NSG1: variants seen among roughly 807,000 people sequenced by gnomAD.
The protein encoded by NSG1 is neuronal vesicle trafficking associated 1, also known as neuronal vesicle trafficking-associated protein 1.
NSG1 carries 9 observed loss-of-function variants against 19.3 expected under a neutral mutation model. The ratio of observed to expected loss-of-function variants is 0.47; its 90% CI spans 0.28 to 0.81. The LOEUF is 0.81. Ranked by LOEUF, NSG1 falls within the 40% of genes least tolerant of loss-of-function variation. NSG1 has a pLI of 0.11. For missense variants in NSG1, 236 were observed against 242.4 expected (o/e 0.97, Z 0.18); for synonymous variants, 104 against 107.0 (o/e 0.97, Z 0.17).
chr4:4,389,086 G>A (rs752554949), intron 2 of NSG1, among the ~76,000 whole-genome samples: 2 of 152,242 alleles, frequency 1.3e-5, no homozygotes, highest in African/African-American at 2.4e-5. Flanking sequence ...CCAGCTGCTC[G>A]GCTGAGGAGC....
intron 3 of NSG1, among the ~76,000 whole-genome samples, chr4:4,405,410 G>C (rs1402594053): frequency 6.6e-6 from 1 of 152,072 alleles, no homozygotes; most frequent in Non-Finnish European, 1.5e-5. Flanking sequence ...TCTTTTTGAG[G>C]GGCCCAGCGT....
intron 3 of NSG1, among the ~76,000 whole-genome samples, chr4:4,396,891 C>A (rs927237329): frequency 1.3e-5 from 2 of 152,120 alleles, no homozygotes; most frequent in Non-Finnish European, 2.9e-5. Flanking sequence ...GTATTGGAGA[C>A]CCTGAAGGTG....
At chr4:4,406,092 A>C (rs1252394642) in intron 3 of NSG1, among the ~76,000 whole-genome samples, 2 of 152,088 alleles carry the variant, frequency 1.3e-5, no homozygotes, top group Non-Finnish European at 2.9e-5. Context: ...CAGTGGCGCG[A>C]TCTTGGCTCA....
chr4:4,391,328 G>T, intron 2 of NSG1, 147 bp from the exon 3 acceptor site: 1 of 626,384 alleles, frequency 1.6e-6, no homozygotes. Context: ...CCACAGAGGA[G>T]ATTTCCAAAA....
At chr4:4,400,490 C>T (rs1185197543) in intron 3 of NSG1, among the ~76,000 whole-genome samples, 1 of 152,144 alleles carries the variant, frequency 6.6e-6, no homozygotes, top group African/African-American at 2.4e-5. Flanking sequence ...AACAAAAAGA[C>T]CTTTGGGTTG....
chr4:4,413,623 G>T (rs993574062), intron 4 of NSG1, among the ~76,000 whole-genome samples: 2 of 151,558 alleles, frequency 1.3e-5, no homozygotes, highest in Non-Finnish European at 2.9e-5. Context: ...TGTGCTGGTG[G>T]GGGGCTAGCC....
At chr4:4,402,183 C>T (rs1723583434) in intron 3 of NSG1, among the ~76,000 whole-genome samples, 1 of 149,488 alleles carries the variant, frequency 6.7e-6, no homozygotes, top group Non-Finnish European at 1.5e-5. Flanking sequence ...CCACAGCACC[C>T]AGCCTGGTTT....
intron 4 of NSG1, chr4:4,415,952 G>C (rs763297381): frequency 1.4e-5 from 9 of 622,752 alleles, no homozygotes; most frequent in Non-Finnish European, 2.3e-5. Flanking sequence ...GTTCTGTAGC[G>C]TGTCAGGTGC....
intron 2 of NSG1, among the ~76,000 whole-genome samples, chr4:4,389,434 A>G (rs1423118490): frequency 6.6e-6 from 1 of 152,182 alleles, no homozygotes; most frequent in Non-Finnish European, 1.5e-5. Context: ...TACAAGGGTT[A>G]TGGCTCTTGG....
At chr4:4,411,675 C>T (rs1268668127) in intron 4 of NSG1, among the ~76,000 whole-genome samples, 7 of 152,074 alleles carry the variant, frequency 4.6e-5, no homozygotes, top group South Asian at 2.1e-4. Context: ...ACCCAGAAGG[C>T]GGAGGTTGCA....
At chr4:4,411,939 T>C (rs1202592087) in intron 4 of NSG1, among the ~76,000 whole-genome samples, 3 of 152,202 alleles carry the variant, frequency 2.0e-5, no homozygotes, top group African/African-American at 4.8e-5. Context: ...TACGCGTTTA[T>C]TGTCACTGTC....
chr4:4,391,411 C>T, intron 2 of NSG1, 64 bp from the exon 3 acceptor site: 1 of 1,092,422 alleles, frequency 9.2e-7, no homozygotes, highest in South Asian at 1.5e-5. Context: ...GTTCCCAGAC[C>T]CACCCTCTTT....
rs117999620 is a variant in NSG1 at position 4,401,858 on chromosome 4, A to G, written c.247-7715A>G. ...AATATAGTCCAGGCTGGGTTCCTCA[A>G]TATAGATTCACCAGTGTCAGTATGA... is the stretch of plus-strand genomic sequence containing the variant. On this transcript the variant is annotated intron_variant, in intron 3 of 4. Transcript: ENST00000621129. Among the ~76,000 whole-genome samples, 402 of 152,116 alleles carry G rather than the reference A, an allele frequency of 2.6e-3. 4 individuals are homozygous for G. Among genetic ancestry groups the G allele is most frequent in the Admixed American group, 1.0e-2 (152 of 15,270 alleles).
At chr4:4,410,382 G>A (rs1268386361) in intron 4 of NSG1, among the ~76,000 whole-genome samples, 1 of 152,254 alleles carries the variant, frequency 6.6e-6, no homozygotes, top group Non-Finnish European at 1.5e-5. Context: ...ATCACTTAGT[G>A]ACGGGAATAC....
At chr4:4,405,723 C>G (rs1723816139) in intron 3 of NSG1, among the ~76,000 whole-genome samples, 1 of 152,178 alleles carries the variant, frequency 6.6e-6, no homozygotes, top group Non-Finnish European at 1.5e-5. Context: ...TTTGCCACAC[C>G]ACGGGCCGCC....
chr4:4,400,358 C>T (rs547666155), intron 3 of NSG1, among the ~76,000 whole-genome samples: 9 of 152,232 alleles, frequency 5.9e-5, no homozygotes, highest in East Asian at 1.9e-4. Flanking sequence ...TTTTGATTAT[C>T]GTAGCTTTGT....
chr4:4,409,035 ATGGGAAACCGCCGAGGGCGAAG>A (rs1432276379), intron 3 of NSG1, among the ~76,000 whole-genome samples: 2 of 152,218 alleles, frequency 1.3e-5, no homozygotes, highest in East Asian at 3.9e-4. Flanking sequence ...AATTAACCAC[ATGGGAAACCGCCGAGGGCGAAG>A]GCCAATGGGG....
At chr4:4,406,549 C>T (rs888532850) in intron 3 of NSG1, among the ~76,000 whole-genome samples, 6 of 152,166 alleles carry the variant, frequency 3.9e-5, no homozygotes, top group Admixed American at 6.5e-5. Flanking sequence ...GGTGAACATG[C>T]GACGGGGCAG....
rs1036801486 is a variant in NSG1 at position 4,417,363 on chromosome 4, G to A, written c.486G>A (p.Ser162=). ...LAKQSITRSV[S]PWMSVLSEEK... ...AGCAGAGCATCACGCGCTCCGTATC[G>A]CCCTGGATGTCAGTTCTGTCAGAAG... The change falls in exon 5 of 5, where the codon TCG becomes TCA. Residue 162 remains serine (S), a synonymous_variant. Transcript: ENST00000621129. 1.1e-5 allele frequency: 17 copies of A among 1,614,044 alleles called. No individual in the cohort carries two copies. Among genetic ancestry groups the A allele is most frequent in the South Asian group, 4.4e-5 (4 of 91,088 alleles).
Sources: gnomAD v4.1 joint callset for allele counts (sites outside exome capture counted in the v4.1 genomes callset) on GRCh38, gnomAD v4.1.1 for gene constraint, MANE v1.5 for transcripts, NCBI Gene and HGNC (gene_info 2026-07-23, HGNC 2026-07-21) for gene names.